CDH10: variants seen among roughly 807,000 people sequenced by gnomAD.
CDH10 encodes cadherin-10.
A neutral mutation model predicts 73.1 loss-of-function variants in CDH10; 30 were observed. That is an observed-to-expected ratio of 0.41 (90% confidence interval 0.31 to 0.56). The LOEUF is 0.56. Ranked by LOEUF, CDH10 falls within the 20% of genes least tolerant of loss-of-function variation. The probability of loss-of-function intolerance (pLI) is 0.27; values close to 1 mark genes in which losing one functional copy is unlikely to be tolerated. For missense variants in CDH10, 815 were observed against 973.7 expected (o/e 0.84, Z 2.17); for synonymous variants, 345 against 348.2 (o/e 0.99, Z 0.10).
intron 1 of CDH10, among the ~76,000 whole-genome samples, chr5:24,615,163 C>G (rs1161137774): frequency 6.6e-6 from 1 of 152,196 alleles, no homozygotes; most frequent in East Asian, 1.9e-4. Context: ...TATCATCTGG[C>G]ACAATAGCCT....
At chr5:24,551,677 T>C (rs1026644182) in intron 2 of CDH10, among the ~76,000 whole-genome samples, 1 of 152,166 alleles carries the variant, frequency 6.6e-6, no homozygotes, top group Non-Finnish European at 1.5e-5. Flanking sequence ...CAGATCTATA[T>C]TTAAATAAGA....
intron 1 of CDH10, among the ~76,000 whole-genome samples, chr5:24,642,284 T>C (rs1241936506): frequency 6.6e-6 from 1 of 152,100 alleles, no homozygotes; most frequent in Non-Finnish European, 1.5e-5. Context: ...TACTGCAAAG[T>C]AGGTTAAGAG....
rs1003368592 is a variant in CDH10, at chr5:24,494,001, T to C, written c.1516-1076A>G. Among the ~76,000 whole-genome samples, 11 of 151,976 alleles carry C rather than the reference T, an allele frequency of 7.2e-5. 1 individual carries two copies. Among genetic ancestry groups the C allele is most frequent in the Admixed American group, 3.9e-4 (6 of 15,266 alleles). On this transcript the variant is annotated intron_variant, in intron 9 of 11. Transcript: ENST00000264463. ...ATGTCTTAGAGCAATGAAAATGTGA[T>C]ATATTTGTGGTAGCAATCTATTTAA...
chr5:24,584,176 G>T (rs1745899551), intron 2 of CDH10, among the ~76,000 whole-genome samples: 1 of 151,878 alleles, frequency 6.6e-6, no homozygotes, highest in African/African-American at 2.4e-5. Flanking sequence ...TCATTATCAG[G>T]CTACATCAAG....
In CDH10 at chr5:24,537,385, A is replaced by G. The variant is rs2111891909; in HGVS notation, c.521T>C (p.Val174Ala). The G allele has an allele frequency of 6.2e-7, 1 of 1,607,206 alleles. No individual in the cohort carries two copies. The highest frequency in any genetic ancestry group is 1.1e-5 in the South Asian group (1 of 90,356). Residue 174 changes from valine (V) to alanine (A), a missense_variant, in exon 3 of 12, where the codon GTT (valine) becomes GCT (alanine). By Grantham distance (64) the Val-to-Ala change is moderately conservative. Transcript: ENST00000264463. Reference sequence around the variant, plus strand: ...AACGCTGTAAATGAACTTACCTACAACAGACATTTCGGGAACACTAGCTGT... The same window carrying G: ...AACGCTGTAAATGAACTTACCTACAGCAGACATTTCGGGAACACTAGCTGT... ...IYTASVPEMS[V>A]VGTSVVQVTA...
intron 2 of CDH10, among the ~76,000 whole-genome samples, chr5:24,572,470 G>A (rs747589680): frequency 7.9e-5 from 12 of 151,980 alleles, no homozygotes; most frequent in Non-Finnish European, 1.5e-4. Flanking sequence ...TTCTGGACCT[G>A]AGGATCTTAA....
At chr5:24,634,363 T>C (rs868821983) in intron 1 of CDH10, among the ~76,000 whole-genome samples, 1 of 151,840 alleles carries the variant, frequency 6.6e-6, no homozygotes, top group Non-Finnish European at 1.5e-5. Context: ...TTTTTAGCCT[T>C]TGTAAAGTCC....
intron 2 of CDH10, among the ~76,000 whole-genome samples, chr5:24,565,929 T>A (rs1342805219): frequency 2.0e-5 from 3 of 152,112 alleles, no homozygotes; most frequent in Non-Finnish European, 4.4e-5. Flanking sequence ...AATAAATTTC[T>A]CATTTAAGTG....
intron 2 of CDH10, among the ~76,000 whole-genome samples, chr5:24,572,468 C>A (rs998777600): frequency 1.3e-5 from 2 of 151,836 alleles, no homozygotes; most frequent in South Asian, 2.1e-4. Flanking sequence ...ATTTCTGGAC[C>A]TGAGGATCTT....
intron 1 of CDH10, among the ~76,000 whole-genome samples, chr5:24,641,860 T>C (rs1011154152): frequency 6.6e-6 from 1 of 152,110 alleles, no homozygotes; most frequent in Non-Finnish European, 1.5e-5. Context: ...GTTGGGTTAA[T>C]TGAAAGTAGA....
intron 9 of CDH10, among the ~76,000 whole-genome samples, chr5:24,496,779 C>G (rs1227756124): frequency 6.6e-6 from 1 of 152,114 alleles, no homozygotes; most frequent in Non-Finnish European, 1.5e-5. Context: ...AGGCTCTGAA[C>G]AAGAATTTTA....
chr5:24,593,060 A>G lies in CDH10; in HGVS notation c.231+200T>C, dbSNP rs1036242134. Among the ~76,000 whole-genome samples the G allele has an allele frequency of 7.2e-5, 11 of 151,978 alleles. No individual in the cohort carries two copies. The East Asian group carries it at 2.1e-3, about 29-fold the overall frequency. ...GTTATTGGGCAGAATTAATTCTAAT[A>G]AATAAATTTATGCATTTATCATTTT... On this transcript the variant is annotated intron_variant, in intron 2 of 11. Transcript: ENST00000264463.
intron 2 of CDH10, among the ~76,000 whole-genome samples, chr5:24,562,752 C>A (rs73070975): frequency 0.059 from 9,030 of 152,132 alleles, 530 homozygotes; most frequent in African/African-American, 0.15. Flanking sequence ...AGATCCTAAC[C>A]ACTGGGATTA....
At chr5:24,503,514 A>G (rs2111714807) in intron 8 of CDH10, among the ~76,000 whole-genome samples, 1 of 152,308 alleles carries the variant, frequency 6.6e-6, no homozygotes, top group Admixed American at 6.5e-5. Flanking sequence ...TTTACTTTTA[A>G]CAAGCACCTG....
At chr5:24,567,728 T>C (rs1579818986) in intron 2 of CDH10, among the ~76,000 whole-genome samples, 1 of 152,070 alleles carries the variant, frequency 6.6e-6, no homozygotes, top group Admixed American at 6.5e-5. Context: ...TGTATATGTA[T>C]TTGTCAAAAC....
intron 2 of CDH10, among the ~76,000 whole-genome samples, chr5:24,562,869 G>A (rs1422138194): frequency 1.3e-5 from 2 of 152,098 alleles, no homozygotes; most frequent in Non-Finnish European, 2.9e-5. Flanking sequence ...TAAAACTAAT[G>A]TATAAATAAC....
At chr5:24,637,517 CCTCTT>C (rs1163497697) in intron 1 of CDH10, among the ~76,000 whole-genome samples, 2 of 151,732 alleles carry the variant, frequency 1.3e-5, no homozygotes, top group African/African-American at 4.8e-5. Flanking sequence ...TTAGAACCTG[CCTCTT>C]CTCAAGGACA....
At chr5:24,585,036 C>T (rs1051395982) in intron 2 of CDH10, among the ~76,000 whole-genome samples, 1 of 151,982 alleles carries the variant, frequency 6.6e-6, no homozygotes, top group African/African-American at 2.4e-5. Context: ...TTAGTAGAGA[C>T]AGTGTTTTGC....
chr5:24,579,153 T>C lies in CDH10; in HGVS notation c.231+14107A>G, dbSNP rs565302373. 4.6e-5 allele frequency among the ~76,000 whole-genome samples: 7 copies of C among 151,964 alleles called. No individual in the cohort carries two copies. The South Asian group carries it at 1.2e-3, about 27-fold the overall frequency. On this transcript the variant is annotated intron_variant, in intron 2 of 11. Coordinates refer to ENST00000264463, the MANE Select transcript of CDH10 (RefSeq NM_006727.5). ...ATTTATGAGTAAAAAGAAGACACTATGATTAAAAGGCAATTCCTTCTTCTG... is the reference window on the plus strand; with the variant it reads ...ATTTATGAGTAAAAAGAAGACACTACGATTAAAAGGCAATTCCTTCTTCTG...
Sources: allele counts gnomAD v4.1 joint callset (sites outside exome capture counted in the v4.1 genomes callset), GRCh38; gene constraint gnomAD v4.1.1; transcripts MANE v1.5; gene names NCBI Gene and HGNC (gene_info 2026-07-23, HGNC 2026-07-21).